The following ZMIZ2 variants were observed in gnomAD, a reference collection of about 807,000 sequenced individuals.
The protein encoded by ZMIZ2 is zinc finger MIZ-type containing 2.
Under a neutral mutation model 93.9 loss-of-function variants are expected in ZMIZ2, and 26 were observed. That is an observed-to-expected ratio of 0.28 (90% CI 0.20 to 0.38). The LOEUF is 0.38. ZMIZ2 is among the 10% of genes least tolerant of loss of function. The probability of loss-of-function intolerance (pLI) is 1.00; values close to 1 mark genes in which losing one functional copy is unlikely to be tolerated. For missense variants in ZMIZ2, 1,023 were observed against 1,235.0 expected, an observed-to-expected ratio of 0.83 and a Z score of 2.57; for synonymous variants, 485 against 516.4, an observed-to-expected ratio of 0.94 and a Z score of 0.82.
In ZMIZ2 at chr7:44,757,023, C is replaced by G; in HGVS notation, c.242C>G (p.Ser81Cys). ...SMMPGVAGGS[S>C]ALTSPQCLGQ... is the part of the protein sequence containing the mutation. Reference sequence around the variant, plus strand: ...ATGCCTGGTGTGGCAGGGGGCAGCTCCGCCTTGACCTCCCCACAGTGCCTG... The same window carrying G: ...ATGCCTGGTGTGGCAGGGGGCAGCTGCGCCTTGACCTCCCCACAGTGCCTG... Residue 81 changes from serine (S) to cysteine (C), a missense_variant, in exon 4 of 19, where the codon TCC (serine) becomes TGC (cysteine). Physicochemically the swap from Ser to Cys is moderately radical, Grantham distance 112. Transcript: ENST00000309315. The G allele has an allele frequency of 6.2e-7, 1 of 1,612,346 alleles. No individual in the cohort carries two copies. Among genetic ancestry groups the G allele is most frequent in the Non-Finnish European group, 8.5e-7 (1 of 1,179,394 alleles).
At position 44,763,686 on chromosome 7, in the gene ZMIZ2, C is replaced by T. The variant is rs1035150954; in HGVS notation, c.1860+273C>T. 6 of 489,600 alleles carry T rather than the reference C, an allele frequency of 1.2e-5. No individual in the cohort carries two copies. Among genetic ancestry groups the T allele is most frequent in the African/African-American group, 3.9e-5 (2 of 51,670 alleles). The allele number at this position is 489,600 out of a possible 1,614,324, so 30.3% of individuals were successfully genotyped here. ...TTGAAAGGCATAAGATTGCAGGGTC[C>T]AGTCTTCCTGCCCTACCCCCAAGGG... On this transcript the variant is annotated intron_variant, in intron 13 of 18. Transcript: ENST00000309315. This position sits in a 1 kb window ranked among gnomAD's most constrained non-coding sequence, Gnocchi z 5.6.
At position 44,767,604 on chromosome 7, in the gene ZMIZ2, C is replaced by G; in HGVS notation, c.2744C>G (p.Ser915Cys). 1.9e-6 allele frequency: 3 copies of G among 1,614,158 alleles called. No individual in the cohort carries two copies. Among genetic ancestry groups the G allele is most frequent in the Non-Finnish European group, 2.5e-6 (3 of 1,180,004 alleles). Residue 915 changes from serine (S) to cysteine (C), a missense_variant, in exon 19 of 19, where the codon TCT (serine) becomes TGT (cysteine). Transcript: ENST00000309315. ...LPTNNNDDLL[S>C]LFENN ...ACGAACAACAATGACGACCTGCTTT[C>G]TCTGTTTGAGAACAACTGATCCTGT...
chr7:44,757,247 C>A, intron 4 of ZMIZ2, 98 bp downstream of exon 4: 1 of 1,504,054 alleles, frequency 6.6e-7, no homozygotes, highest in Non-Finnish European at 8.8e-7. Context: ...TCCCTCTCTG[C>A]TTCCTGACAG....
Position 44,761,449 on chromosome 7 carries a change from G to C in ZMIZ2, c.1241G>C (p.Gly414Ala). The stretch of plus-strand genomic sequence containing the variant: ...CACAGCCAGTGGCCTCTGCTCCCAG[G>C]AAGCGGGCCTTGTGACGAGTTGCGG... ...NLNSLHSSPS[G>A]SGPCDELRLT... Residue 414 changes from glycine to alanine, a missense_variant and splice_region_variant, in exon 10 of 19, where the codon GGA (glycine) becomes GCA (alanine). Coordinates refer to ENST00000309315, the MANE Select transcript of ZMIZ2 (RefSeq NM_031449.4). This position sits in a 1 kb window ranked among gnomAD's most constrained non-coding sequence, Gnocchi z 5.8. 1 of 1,612,890 alleles carries C rather than the reference G, an allele frequency of 6.2e-7. No homozygotes were observed. The highest frequency in any genetic ancestry group is 8.5e-7 in the Non-Finnish European group (1 of 1,179,988).
Position 44,765,540 on chromosome 7 carries a change from C to A in ZMIZ2, c.2203C>A (p.Pro735Thr), listed in dbSNP as rs763068838. The change falls in exon 16 of 19, where the codon CCC becomes ACC. Residue 735 changes from proline to threonine, a missense_variant. Physicochemically the swap from Pro to Thr is conservative, Grantham distance 38 (BLOSUM62 -1). Transcript: ENST00000309315. This position sits in a 1 kb window ranked among gnomAD's most constrained non-coding sequence, Gnocchi z 4.1. ...PGAAPFAPLQ[P>T]PSVPAPSDYP... ...CGCTGCCCCCTTTGCCCCCCTGCAG[C>A]CCCCCTCAGTCCCTGCCCCCAGCGA... is the stretch of plus-strand genomic sequence containing the variant. 3 of 981,428 alleles carry A rather than the reference C, an allele frequency of 3.1e-6. No homozygotes were observed. In the East Asian group the frequency reaches 1.6e-4, roughly 51 times the overall value. 60.8% of individuals were successfully genotyped at this position (981,428 alleles called of 1,614,324 possible).
chr7:44,767,171 T>C (rs1328215010), intron 18 of ZMIZ2, among the ~76,000 whole-genome samples: 1 of 152,008 alleles, frequency 6.6e-6, no homozygotes. Flanking sequence ...CCACCAGCAT[T>C]CACCTTGGGG....
Position 44,763,609 on chromosome 7 carries a change from A to G in ZMIZ2, c.1860+196A>G. ...TAGGCTATTTTTTCTTCCAAATATA[A>G]TTGTCATTTTACTAACTTTTTTACT... On this transcript the variant is annotated intron_variant, in intron 13 of 18. Transcript: ENST00000309315. This position sits in a 1 kb window ranked among gnomAD's most constrained non-coding sequence, Gnocchi z 5.6. The G allele has an allele frequency of 1.5e-6, 1 of 684,404 alleles. No homozygotes were observed. The highest frequency in any genetic ancestry group is 2.3e-6 in the Non-Finnish European group (1 of 429,370). 42.4% of individuals were successfully genotyped at this position (684,404 alleles called of 1,614,324 possible).
Position 44,763,120 on chromosome 7 carries a change from G to A in ZMIZ2, c.1702+134G>A, listed in dbSNP as rs1399642460. 6.2e-6 allele frequency: 9 copies of A among 1,446,668 alleles called. No individual in the cohort carries two copies. Among genetic ancestry groups the A allele is most frequent in the African/African-American group, 1.4e-5 (1 of 71,376 alleles). 89.6% of individuals were successfully genotyped at this position (1,446,668 alleles called of 1,614,324 possible). On this transcript the variant is annotated intron_variant, in intron 12 of 18. Transcript: ENST00000309315. This position sits in a 1 kb window ranked among gnomAD's most constrained non-coding sequence, Gnocchi z 5.6. Reference sequence around the variant, plus strand: ...CTTGGACAGGTGGCTCTGCAGTAGGGGCAGTGGTTAGTTCCAGGTGGCCCC... The same window carrying A: ...CTTGGACAGGTGGCTCTGCAGTAGGAGCAGTGGTTAGTTCCAGGTGGCCCC...
chr7:44,758,112 A>G lies in ZMIZ2; in HGVS notation c.813+4A>G. The G allele has an allele frequency of 6.5e-7, 1 of 1,541,452 alleles. No individual in the cohort carries two copies. The highest frequency in any genetic ancestry group is 1.3e-5 in the South Asian group (1 of 79,658). On this transcript the variant is annotated splice_donor_region_variant and intron_variant, in intron 6 of 18. Coordinates refer to ENST00000309315, the MANE Select transcript of ZMIZ2 (RefSeq NM_031449.4). ...GGTCAAGAGAACCTACTCTGAGGTG[A>G]GTGTCCAGGTCACCTAGTTTGGGGC...
chr7:44,760,246 G>C lies in ZMIZ2; in HGVS notation c.1071+18G>C. On this transcript the variant is annotated intron_variant, in intron 8 of 18. Transcript: ENST00000309315. ...TGAGTGGGGTAGGGGGCCTGGCCGGGAGGATGGGCCGGGAGGCTCACAGGG... is the reference window on the plus strand; with the variant it reads ...TGAGTGGGGTAGGGGGCCTGGCCGGCAGGATGGGCCGGGAGGCTCACAGGG... 1 of 1,607,204 alleles carries C rather than the reference G, an allele frequency of 6.2e-7. No individual in the cohort carries two copies. The highest frequency in any genetic ancestry group is 8.5e-7 in the Non-Finnish European group (1 of 1,176,430).
chr7:44,764,213 A>C (rs751861906), intron 13 of ZMIZ2, among the ~76,000 whole-genome samples: 1 of 152,210 alleles, frequency 6.6e-6, no homozygotes, highest in East Asian at 1.9e-4. Context: ...CTTTGGCCAC[A>C]TGGCATTCCA....
At chr7:44,748,814 A>G (rs1465876388), upstream of ZMIZ2, 4 of 150,230 alleles carry the variant, frequency 2.7e-5, no homozygotes, top group Non-Finnish European at 4.5e-5. Context: ...GCGCGGCGTC[A>G]TGCATATGCA....
Position 44,757,025 on chromosome 7 carries a change from G to A in ZMIZ2, c.244G>A (p.Ala82Thr), listed in dbSNP as rs780001057. The change falls in exon 4 of 19, where the codon GCC becomes ACC. Residue 82 changes from alanine (A) to threonine (T), a missense_variant. Transcript: ENST00000309315. Reference sequence around the variant, plus strand: ...GCCTGGTGTGGCAGGGGGCAGCTCCGCCTTGACCTCCCCACAGTGCCTGGG... The same window carrying A: ...GCCTGGTGTGGCAGGGGGCAGCTCCACCTTGACCTCCCCACAGTGCCTGGG... ...MMPGVAGGSS[A>T]LTSPQCLGQQ... 84 of 1,612,108 alleles carry A rather than the reference G, an allele frequency of 5.2e-5. No individual in the cohort carries two copies. The highest frequency in any genetic ancestry group is 6.7e-5 in the Admixed American group (4 of 59,570).
At position 44,759,919 on chromosome 7, in the gene ZMIZ2, G is replaced by T. The variant is rs377566686; in HGVS notation, c.994-232G>T. Reference sequence around the variant, plus strand: ...TGGGTGCGCCGGGTGGTGCAGCTTGGGGGAGGAGAGGAGGAGGGCTTAGCG... The same window carrying T: ...TGGGTGCGCCGGGTGGTGCAGCTTGTGGGAGGAGAGGAGGAGGGCTTAGCG... On this transcript the variant is annotated intron_variant, in intron 7 of 18. Coordinates refer to ENST00000309315, the MANE Select transcript of ZMIZ2 (RefSeq NM_031449.4). 9 of 565,378 alleles carry T rather than the reference G, an allele frequency of 1.6e-5. No homozygotes were observed. In the Middle Eastern group the frequency reaches 2.6e-3, roughly 163 times the overall value. The allele number at this position is 565,378 out of a possible 1,614,324, so 35.0% of individuals were successfully genotyped here. A position where few individuals can be genotyped will look rare whatever the true frequency, so the allele number is the denominator to read the frequency against.
At chr7:44,752,228 A>G (rs1183889828) in intron 1 of ZMIZ2, among the ~76,000 whole-genome samples, 1 of 151,866 alleles carries the variant, frequency 6.6e-6, no homozygotes, top group Non-Finnish European at 1.5e-5. Flanking sequence ...CCTGGGTTCA[A>G]ATGATTCTCC....
rs552015328 is a variant in ZMIZ2 at position 44,766,259 on chromosome 7, C to A, written c.2338C>A (p.Pro780Thr). The A allele has an allele frequency of 4.4e-6, 7 of 1,600,722 alleles. No homozygotes were observed. The South Asian group carries it at 7.9e-5, about 18-fold the overall frequency. ...TLAEFTPGPP[P>T]ISYQSDIPSS... ...TGCTGAGTTCACCCCGGGACCACCC[C>A]CCATCTCCTACCAGTCTGACATTCC... Residue 780 changes from proline to threonine, a missense_variant, in exon 17 of 19, where the codon CCC (proline) becomes ACC (threonine). Pro to Thr is a conservative substitution (Grantham distance 38). Around this residue, in one of 3 missense-constraint regions of ZMIZ2, gnomAD observed 319 missense variants for 358.8 expected, o/e 0.89. Transcript: ENST00000309315. The surrounding 1 kb of genome is among the most constrained non-coding windows in gnomAD (Gnocchi z 4.4).
At position 44,765,150 on chromosome 7, in the gene ZMIZ2, GCGTGTGTGTCCT is replaced by G; in HGVS notation, c.1997+142_1997+153del. On this transcript the variant is annotated intron_variant, in intron 15 of 18. Coordinates refer to ENST00000309315, the MANE Select transcript of ZMIZ2 (RefSeq NM_031449.4). The surrounding 1 kb of genome is among the most constrained non-coding windows in gnomAD (Gnocchi z 4.1). ...CAGGCTGGATTCCAGGCCAGAGACAGCGTGTGTGTCCTACCTGAGTGTTGGTGCTGGGCCCAG... is the reference window on the plus strand; with the variant it reads ...CAGGCTGGATTCCAGGCCAGAGACAGACCTGAGTGTTGGTGCTGGGCCCAG... 1 of 1,435,500 alleles carries G rather than the reference GCGTGTGTGTCCT, an allele frequency of 7.0e-7. No individual in the cohort carries two copies. The highest frequency in any genetic ancestry group is 1.3e-5 in the South Asian group (1 of 78,004). 88.9% of individuals were successfully genotyped at this position (1,435,500 alleles called of 1,614,324 possible). A position where few individuals can be genotyped will look rare whatever the true frequency, so the allele number is the denominator to read the frequency against.
In ZMIZ2 at chr7:44,768,801, G is replaced by C. The variant is rs1438322196; in HGVS notation, c.*1178G>C. 1 of 152,226 alleles carries C rather than the reference G, an allele frequency of 6.6e-6. No individual in the cohort carries two copies. The highest frequency in any genetic ancestry group is 1.5e-5 in the Non-Finnish European group (1 of 68,044). The allele number at this position is 152,226 out of a possible 1,614,324, so 9.4% of individuals were successfully genotyped here. A position where few individuals can be genotyped will look rare whatever the true frequency, so the allele number is the denominator to read the frequency against. Reference sequence around the variant, plus strand: ...TGCAAAGCTTGTGCAGGACCTGGGGGCCAGGTCGACCTTCAAGTGGCTTTT... The same window carrying C: ...TGCAAAGCTTGTGCAGGACCTGGGGCCCAGGTCGACCTTCAAGTGGCTTTT... On this transcript the variant is annotated 3_prime_UTR_variant, in exon 19 of 19. Transcript: ENST00000309315.
intron 1 of ZMIZ2, among the ~76,000 whole-genome samples, chr7:44,750,468 CCA>C: frequency 6.6e-6 from 1 of 152,304 alleles, no homozygotes; most frequent in Non-Finnish European, 1.5e-5. Flanking sequence ...CCCTTTGACT[CCA>C]TTGTCACCTG....
Sources: allele counts gnomAD v4.1 joint callset (sites outside exome capture counted in the v4.1 genomes callset), GRCh38; gene constraint gnomAD v4.1.1; regional missense constraint gnomAD v4.1.1; non-coding constraint Gnocchi (gnomAD v3.1); transcripts MANE v1.5; gene names NCBI Gene and HGNC (gene_info 2026-07-23, HGNC 2026-07-21).